EEFSEC: variants seen among roughly 807,000 people sequenced by gnomAD.
EEFSEC encodes the protein eukaryotic elongation factor, selenocysteine-tRNA specific, also known as selenocysteine-specific elongation factor.
EEFSEC carries 43 observed loss-of-function variants against 42.1 expected under a neutral mutation model. The ratio of observed to expected loss-of-function variants is 1.02; its 90% CI spans 0.80 to 1.32. The LOEUF (loss-of-function observed/expected upper bound fraction) is 1.32, where lower values mean the gene tolerates loss of function less well. Among genes scored for constraint, EEFSEC ranks in the 40% most tolerant of loss-of-function variants. The probability of loss-of-function intolerance (pLI) is 0.00; values close to 1 mark genes in which losing one functional copy is unlikely to be tolerated. For synonymous variants in EEFSEC, 354 were observed against 339.1 expected (o/e 1.04, Z -0.48); for missense variants, 745 against 803.6 (o/e 0.93, Z 0.88).
intron 4 of EEFSEC, among the ~76,000 whole-genome samples, chr3:128,338,179 T>C (rs2067210978): frequency 6.6e-6 from 1 of 152,102 alleles, no homozygotes; most frequent in South Asian, 2.1e-4. Context: ...ACAAAGCAAA[T>C]TACTGATTAG....
rs373534963 is a variant in EEFSEC, at chr3:128,262,153, G to A, written c.550G>A (p.Val184Met). 40 of 1,614,000 alleles carry A rather than the reference G, an allele frequency of 2.5e-5. No homozygotes were observed. The highest frequency in any genetic ancestry group is 1.5e-4 in the African/African-American group (11 of 74,900). ...GTTCCGAGGTGCACCGATTATACCC[G>A]TGGCGGCCAAGCCGGGGGGACCAGA... The part of the protein sequence containing the change: ...TKFRGAPIIP[V>M]AAKPGGPEAP... The change falls in exon 3 of 7, where the codon GTG becomes ATG. Residue 184 changes from valine (V) to methionine (M), a missense_variant. Physicochemically the swap from Val to Met is conservative, Grantham distance 21 (BLOSUM62 1). Coordinates refer to ENST00000254730, the MANE Select transcript of EEFSEC (RefSeq NM_021937.5).
At chr3:128,354,739 A>G (rs558751044) in intron 5 of EEFSEC, among the ~76,000 whole-genome samples, 27 of 152,340 alleles carry the variant, frequency 1.8e-4, no homozygotes, top group Non-Finnish European at 3.1e-4. Flanking sequence ...TGTGGCATTT[A>G]GCTTTTTAAA....
chr3:128,210,061 G>T (rs980994274), intron 1 of EEFSEC, among the ~76,000 whole-genome samples: 1 of 152,194 alleles, frequency 6.6e-6, no homozygotes, highest in African/African-American at 2.4e-5. Flanking sequence ...TGGTGGTTCC[G>T]AATGGGTAAG....
chr3:128,384,510 G>C (rs1175406522), intron 6 of EEFSEC, among the ~76,000 whole-genome samples: 2 of 152,212 alleles, frequency 1.3e-5, no homozygotes, highest in African/African-American at 2.4e-5. Context: ...TTGCCAGCTT[G>C]TGGGGGCCTT....
chr3:128,375,637 G>A (rs1559946914), intron 6 of EEFSEC, among the ~76,000 whole-genome samples: 1 of 152,124 alleles, frequency 6.6e-6, no homozygotes, highest in South Asian at 2.1e-4. Context: ...GCCACCTCTA[G>A]GAAGGCTCCC....
chr3:128,404,748 G>A (rs1453008991), intron 6 of EEFSEC, among the ~76,000 whole-genome samples: 1 of 152,234 alleles, frequency 6.6e-6, no homozygotes, highest in Non-Finnish European at 1.5e-5. Flanking sequence ...CAGGCTCCAA[G>A]TAAGGTATGC....
chr3:128,306,832 G>T (rs1559912545), intron 4 of EEFSEC, among the ~76,000 whole-genome samples: 1 of 152,224 alleles, frequency 6.6e-6, no homozygotes, highest in Non-Finnish European at 1.5e-5. Context: ...TCACTCAATT[G>T]CTAATTGGTT....
intron 1 of EEFSEC, among the ~76,000 whole-genome samples, chr3:128,209,583 T>A (rs1359578608): frequency 2.0e-5 from 3 of 152,272 alleles, no homozygotes; most frequent in Non-Finnish European, 4.4e-5. Context: ...TTAATATATT[T>A]TTATAATCCA....
intron 4 of EEFSEC, among the ~76,000 whole-genome samples, chr3:128,277,444 A>G (rs919971462): frequency 6.6e-6 from 1 of 152,090 alleles, no homozygotes; most frequent in African/African-American, 2.4e-5. Flanking sequence ...AGCCTTTCAA[A>G]GTTTGGGTGT....
At chr3:128,223,433 C>T (rs1273214009) in intron 1 of EEFSEC, among the ~76,000 whole-genome samples, 1 of 152,188 alleles carries the variant, frequency 6.6e-6, no homozygotes. Context: ...GGCCTAGGGA[C>T]CCCTGAACTG....
At chr3:128,392,455 T>C (rs898250135) in intron 6 of EEFSEC, among the ~76,000 whole-genome samples, 13 of 152,188 alleles carry the variant, frequency 8.5e-5, no homozygotes, top group African/African-American at 3.1e-4. Context: ...CCCCTTGTAA[T>C]AGGCGAGGGG....
At chr3:128,183,191 C>G (rs1019407588) in intron 1 of EEFSEC, among the ~76,000 whole-genome samples, 17 of 152,154 alleles carry the variant, frequency 1.1e-4, no homozygotes, top group Non-Finnish European at 2.2e-4. Context: ...AATATTACTG[C>G]TAGTACTTTA....
At chr3:128,353,333 G>A (rs772507820) in intron 5 of EEFSEC, among the ~76,000 whole-genome samples, 1 of 152,202 alleles carries the variant, frequency 6.6e-6, no homozygotes, top group Non-Finnish European at 1.5e-5. Flanking sequence ...CCCTCCAACA[G>A]CAGTGCAGTC....
At chr3:128,216,056 C>T (rs558963402) in intron 1 of EEFSEC, among the ~76,000 whole-genome samples, 4 of 152,190 alleles carry the variant, frequency 2.6e-5, no homozygotes, top group Non-Finnish European at 5.9e-5. Flanking sequence ...AATGGGGATG[C>T]ATAGTTCTTG....
intron 6 of EEFSEC, among the ~76,000 whole-genome samples, chr3:128,402,186 G>A (rs2068055873): frequency 6.6e-6 from 1 of 152,192 alleles, no homozygotes; most frequent in South Asian, 2.1e-4. Flanking sequence ...AAGAAAGAAG[G>A]AACAGTGCTT....
intron 4 of EEFSEC, among the ~76,000 whole-genome samples, chr3:128,335,217 G>T (rs957639173): frequency 6.6e-6 from 1 of 152,214 alleles, no homozygotes; most frequent in African/African-American, 2.4e-5. Context: ...ACAAAGCAAA[G>T]CCTGGTCCTC....
intron 1 of EEFSEC, among the ~76,000 whole-genome samples, chr3:128,171,431 C>T (rs188460537): frequency 1.7e-4 from 26 of 152,162 alleles, no homozygotes; most frequent in Non-Finnish European, 1.5e-5. Flanking sequence ...AAAAGCAAAA[C>T]AACTGCTTTC....
chr3:128,352,411 G>T (rs2067398829), intron 5 of EEFSEC, among the ~76,000 whole-genome samples: 1 of 152,218 alleles, frequency 6.6e-6, no homozygotes, highest in South Asian at 2.1e-4. Flanking sequence ...GCTCAGACCA[G>T]CTCCTGCCTT....
intron 2 of EEFSEC, 106 bp downstream of exon 2, chr3:128,247,149 C>T: frequency 8.5e-7 from 1 of 1,173,916 alleles, no homozygotes; most frequent in Non-Finnish European, 1.2e-6. Context: ...AGCCTCCCGT[C>T]CTAGTAAGTG....
Sources: gnomAD v4.1 joint callset for allele counts (sites outside exome capture counted in the v4.1 genomes callset) on GRCh38, gnomAD v4.1.1 for gene constraint, MANE v1.5 for transcripts, NCBI Gene and HGNC (gene_info 2026-07-23, HGNC 2026-07-21) for gene names.